Variants in WDR27 observed in about 807,000 individuals in gnomAD.
WDR27 encodes WD repeat-containing protein 27.
Under a neutral mutation model 114.4 loss-of-function variants are expected in WDR27, and 100 were observed. That is an observed-to-expected ratio of 0.87 (90% confidence interval 0.74 to 1.03). WDR27 has a LOEUF of 1.03. Among genes scored for constraint, WDR27 ranks in the 50% least tolerant of loss-of-function variants. The pLI, the probability that WDR27 is intolerant of heterozygous loss-of-function variation, is 0.00. For missense variants in WDR27, 1,129 were observed against 1,092.9 expected (o/e 1.03, Z -0.47); for synonymous variants, 449 against 423.1 (o/e 1.06, Z -0.75).
At chr6:169,498,144 A>G (rs1790647500) in intron 25 of WDR27, among the ~76,000 whole-genome samples, 1 of 152,034 alleles carries the variant, frequency 6.6e-6, no homozygotes, top group South Asian at 2.1e-4. Context: ...AAATGAAATA[A>G]GCCAGTTACA....
At chr6:169,620,860 A>G (rs1812958461) in intron 21 of WDR27, among the ~76,000 whole-genome samples, 1 of 152,058 alleles carries the variant, frequency 6.6e-6, no homozygotes. Flanking sequence ...GCTCCTCCAG[A>G]CATAGACATA....
At chr6:169,672,969 G>A (rs1779138366) in intron 2 of WDR27, among the ~76,000 whole-genome samples, 1 of 152,226 alleles carries the variant, frequency 6.6e-6, no homozygotes, top group South Asian at 2.1e-4. Flanking sequence ...ATTGCTACAA[G>A]TATGGAGCAG....
intron 22 of WDR27, among the ~76,000 whole-genome samples, chr6:169,609,647 G>A (rs542970304): frequency 6.6e-6 from 1 of 152,324 alleles, no homozygotes; most frequent in Admixed American, 6.5e-5. Flanking sequence ...AGACCTCTGG[G>A]TCTGTGATGG....
At position 169,700,963 on chromosome 6, in the gene WDR27, A is replaced by G. The variant is rs144942332; in HGVS notation, c.-8+588T>C. On this transcript the variant is annotated intron_variant, in intron 1 of 25. Coordinates refer to ENST00000448612, the MANE Select transcript of WDR27 (RefSeq NM_182552.5). ...AAATTTATTATTTTAGTGAGATTCT[A>G]GTGCACCTAACACTAGGTAAGCACT... Among the ~76,000 whole-genome samples the G allele has an allele frequency of 1.7e-3, 265 of 152,314 alleles. 1 individual carries two copies. The highest frequency in any genetic ancestry group is 6.0e-3 in the African/African-American group (251 of 41,568).
chr6:169,431,375 C>A, the WDR27 span, among the ~76,000 whole-genome samples: 1 of 152,154 alleles, frequency 6.6e-6, no homozygotes, highest in Non-Finnish European at 1.5e-5. Context: ...ACTCACTTGA[C>A]ACATCAACAG....
At chr6:169,583,366 C>A in intron 23 of WDR27, among the ~76,000 whole-genome samples, 1 of 148,720 alleles carries the variant, frequency 6.7e-6, no homozygotes, top group South Asian at 2.2e-4. Flanking sequence ...GAGATAGGTA[C>A]ATACACTATG....
At chr6:169,587,736 C>T (rs1303782730) in intron 23 of WDR27, among the ~76,000 whole-genome samples, 2 of 152,230 alleles carry the variant, frequency 1.3e-5, no homozygotes, top group African/African-American at 2.4e-5. Context: ...CCTGTACCCA[C>T]ATAAAAGCTG....
chr6:169,540,212 C>T (rs1207204093), intron 25 of WDR27, among the ~76,000 whole-genome samples: 3 of 152,148 alleles, frequency 2.0e-5, no homozygotes, highest in Non-Finnish European at 4.4e-5. Flanking sequence ...GTAACAAAAG[C>T]AAAACATTCC....
chr6:169,662,318 AT>A lies in WDR27; in HGVS notation c.1010del (p.Asn337IlefsTer55). 1.2e-6 allele frequency: 2 copies of A among 1,613,846 alleles called. No homozygotes were observed. Among genetic ancestry groups the A allele is most frequent in the Non-Finnish European group, 1.7e-6 (2 of 1,179,728 alleles). ...LAPCDLSLIPNSACGCLSSEN... is the reference protein window; with the variant it reads ...LAPCDLSLIPXSACGCLSSEN... ...TTGATACTTACCATCCACATGCAGA[AT>A]TTGGGATGAGTGAGAGATCACAGGG... On this transcript the variant is annotated frameshift_variant, in exon 9 of 26. Transcript: ENST00000448612. LOFTEE classifies it high-confidence loss of function.
chr6:169,657,099 G>A (rs1824431264), intron 13 of WDR27, among the ~76,000 whole-genome samples: 1 of 152,174 alleles, frequency 6.6e-6, no homozygotes, highest in Non-Finnish European at 1.5e-5. Flanking sequence ...AGGAATGGGG[G>A]ACCTGCTGGA....
At chr6:169,439,756 A>G in the WDR27 span, among the ~76,000 whole-genome samples, 1 of 151,946 alleles carries the variant, frequency 6.6e-6, no homozygotes, top group Non-Finnish European at 1.5e-5. Context: ...GAAAACATTT[A>G]CTTTTCTACT....
chr6:169,471,905 C>G (rs1414795670), intron 25 of WDR27, among the ~76,000 whole-genome samples: 1 of 152,196 alleles, frequency 6.6e-6, no homozygotes, highest in African/African-American at 2.4e-5. Flanking sequence ...GATGGTGCAT[C>G]TTGCTGCTTC....
chr6:169,681,523 C>A (rs1781517401), intron 2 of WDR27, among the ~76,000 whole-genome samples: 1 of 152,196 alleles, frequency 6.6e-6, no homozygotes, highest in Non-Finnish European at 1.5e-5. Context: ...CCCAGTCCTC[C>A]AAGGGGCTTG....
rs1345690926 is a variant in WDR27, at chr6:169,670,683, A to C, written c.342T>G (p.Pro114=). 6.2e-7 allele frequency: 1 copy of C among 1,614,014 alleles called. No homozygotes were observed. The highest frequency in any genetic ancestry group is 8.5e-7 in the Non-Finnish European group (1 of 1,179,892). Residue 114 remains proline (P), a synonymous_variant, in exon 4 of 26, where the codon CCT becomes CCG. Coordinates refer to ENST00000448612, the MANE Select transcript of WDR27 (RefSeq NM_182552.5). The part of the protein sequence containing the change: ...CREKVLQGLV[P]RGTVMGSLLG... ...AAAGCGAGCCCATGACAGTCCCTCG[A>C]GGGACCAGCCCTAGAGTGAGTTTCA...
At chr6:169,602,934 C>T (rs545507646) in intron 22 of WDR27, among the ~76,000 whole-genome samples, 28 of 151,028 alleles carry the variant, frequency 1.9e-4, no homozygotes, top group African/African-American at 6.3e-4. Context: ...CTCTGCCTCC[C>T]GGGTTCAAGC....
intron 25 of WDR27, among the ~76,000 whole-genome samples, chr6:169,509,699 C>T (rs1196001287): frequency 1.3e-5 from 2 of 151,914 alleles, no homozygotes; most frequent in Non-Finnish European, 2.9e-5. Flanking sequence ...CTAGGCAATA[C>T]CATTCAGGAC....
At chr6:169,480,082 C>T (rs1562471677) in intron 25 of WDR27, among the ~76,000 whole-genome samples, 1 of 152,182 alleles carries the variant, frequency 6.6e-6, no homozygotes, top group Non-Finnish European at 1.5e-5. Context: ...CGCTCGCGGG[C>T]CAGCGTGAGT....
At chr6:169,462,721 T>A (rs1289174423) in intron 25 of WDR27, among the ~76,000 whole-genome samples, 1 of 152,062 alleles carries the variant, frequency 6.6e-6, no homozygotes, top group East Asian at 1.9e-4. Flanking sequence ...CTCAACAAAA[T>A]ACTAGCAAAT....
intron 25 of WDR27, among the ~76,000 whole-genome samples, chr6:169,486,079 A>G (rs1788841516): frequency 6.6e-6 from 1 of 152,178 alleles, no homozygotes; most frequent in African/African-American, 2.4e-5. Flanking sequence ...TGACAAAATA[A>G]CCTGCACAAC....
Sources: gnomAD v4.1 joint callset for allele counts (sites outside exome capture counted in the v4.1 genomes callset) on GRCh38, gnomAD v4.1.1 for gene constraint, MANE v1.5 for transcripts, NCBI Gene and HGNC (gene_info 2026-07-23, HGNC 2026-07-21) for gene names.